The following RYR2 variants were observed in gnomAD, a reference collection of about 807,000 sequenced individuals.
RYR2 encodes the protein ryanodine receptor 2.
A neutral mutation model predicts 601.1 loss-of-function variants in RYR2; 227 were observed. The observed-to-expected ratio is 0.38, with a 90% CI of 0.34 to 0.42. The LOEUF (loss-of-function observed/expected upper bound fraction) is 0.42, where lower values mean the gene tolerates loss of function less well. RYR2 is among the 10% of genes least tolerant of loss of function. The pLI is 1.00. For missense variants in RYR2, 4,646 were observed against 6,156.5 expected, an observed-to-expected ratio of 0.75 and a Z score of 8.21; for synonymous variants, 2,223 against 2,175.1, an observed-to-expected ratio of 1.02 and a Z score of -0.61.
intron 29 of RYR2, among the ~76,000 whole-genome samples, chr1:237,571,670 G>A (rs2805400): frequency 0.61 from 92,937 of 152,034 alleles, 30,121 homozygotes; most frequent in Non-Finnish European, 0.71. Context: ...TAGCCAGTTT[G>A]TTGCTTGTAT....
chr1:237,538,783 TA>T (rs5781965), intron 25 of RYR2, among the ~76,000 whole-genome samples: 106,028 of 151,226 alleles, frequency 0.7, 37,514 homozygotes, highest in Non-Finnish European at 0.76. Context: ...TAAAAAAAAT[TA>T]AAAAAAAATA....
chr1:237,579,255 T>C (rs1419390890), intron 29 of RYR2, among the ~76,000 whole-genome samples: 119 of 139,798 alleles, frequency 8.5e-4, no homozygotes, highest in East Asian at 2.1e-3. Context: ...CTTCTTTTTT[T>C]TTTTTTTTTT....
chr1:237,457,486 G>C (rs1441675221), intron 16 of RYR2, among the ~76,000 whole-genome samples: 1 of 152,138 alleles, frequency 6.6e-6, no homozygotes. Flanking sequence ...GGTAAAGAGG[G>C]ACAGTTTAGT....
chr1:237,259,546 A>AAGAG (rs55758034), intron 1 of RYR2, among the ~76,000 whole-genome samples: 52,955 of 143,474 alleles, frequency 0.37, 10,823 homozygotes, highest in East Asian at 0.73. Context: ...AAAAAAAAAA[A>AAGAG]AGAGAGACTA....
At chr1:237,283,948 ATCC>A (rs1691165513) in intron 2 of RYR2, among the ~76,000 whole-genome samples, 1 of 152,090 alleles carries the variant, frequency 6.6e-6, no homozygotes, top group African/African-American at 2.4e-5. Flanking sequence ...TTTATCCCTC[ATCC>A]TCCTTCCACT....
intron 2 of RYR2, among the ~76,000 whole-genome samples, chr1:237,316,022 G>T (rs1695074809): frequency 6.6e-6 from 1 of 152,076 alleles, no homozygotes; most frequent in South Asian, 2.1e-4. Context: ...GAGATGAAGA[G>T]ATGGGGGCAG....
In RYR2 at chr1:237,783,883, C is replaced by T; in HGVS notation, c.12171C>T (p.His4057=). The stretch of plus-strand genomic sequence containing the variant: ...ACAAAGCGATGGAGAGCCATAAGCA[C>T]TACACGCAGTCAGAAACGGAATTTC... ...DFHKAMESHK[H]YTQSETEFLL... The change falls in exon 90 of 105, where the codon CAC becomes CAT. Residue 4057 remains histidine, a synonymous_variant. Coordinates refer to ENST00000366574, the MANE Select transcript of RYR2 (RefSeq NM_001035.3). 6.2e-7 allele frequency: 1 copy of T among 1,613,768 alleles called. No individual in the cohort carries two copies. Among genetic ancestry groups the T allele is most frequent in the Non-Finnish European group, 8.5e-7 (1 of 1,179,796 alleles).
chr1:237,197,605 G>C lies in RYR2; in HGVS notation c.49-72892G>C, dbSNP rs936085659. 4.6e-5 allele frequency among the ~76,000 whole-genome samples: 7 copies of C among 152,266 alleles called. No homozygotes were observed. In the South Asian group the frequency reaches 1.2e-3, roughly 27 times the overall value. ...TGCACTTACGTGGGTGTGATAATAG[G>C]AGCATATCATAGTTGATGAGATCCG... On this transcript the variant is annotated intron_variant, in intron 1 of 104. Coordinates refer to ENST00000366574, the MANE Select transcript of RYR2 (RefSeq NM_001035.3).
At chr1:237,432,238 C>G (rs758845407) in intron 12 of RYR2, among the ~76,000 whole-genome samples, 2 of 151,716 alleles carry the variant, frequency 1.3e-5, no homozygotes, top group African/African-American at 4.8e-5. Flanking sequence ...ACAGTTTAAT[C>G]TCGAGTGTAC....
At chr1:237,377,686 G>A (rs1212296688) in intron 8 of RYR2, among the ~76,000 whole-genome samples, 3 of 152,126 alleles carry the variant, frequency 2.0e-5, no homozygotes, top group African/African-American at 7.2e-5. Context: ...GATATTGATA[G>A]TACCTTTTAA....
intron 35 of RYR2, among the ~76,000 whole-genome samples, chr1:237,607,176 A>G (rs1228554881): frequency 1.3e-5 from 2 of 152,230 alleles, no homozygotes; most frequent in East Asian, 3.8e-4. Context: ...AACCAACCCA[A>G]ATGTCCATCA....
chr1:237,376,386 G>C (rs1701035860), intron 7 of RYR2, among the ~76,000 whole-genome samples: 1 of 152,128 alleles, frequency 6.6e-6, no homozygotes. Context: ...GCAGGAGCTG[G>C]AGAAACCTCA....
chr1:237,281,542 T>C (rs755636600), intron 2 of RYR2, among the ~76,000 whole-genome samples: 1 of 152,202 alleles, frequency 6.6e-6, no homozygotes, highest in Non-Finnish European at 1.5e-5. Flanking sequence ...GCAAAAAGAT[T>C]GGCAGATATT....
rs892548795 is a variant in RYR2, at chr1:237,369,043, C to T, written c.310-491C>T. 4.3e-4 allele frequency among the ~76,000 whole-genome samples: 65 copies of T among 151,994 alleles called. No individual in the cohort carries two copies. In the Middle Eastern group the frequency reaches 0.01, roughly 24 times the overall value. ...TTTGCCATGTTGGCCAGGTTGGTCT[C>T]GAACTCCTGACCTCAGGTAATCGCC... On this transcript the variant is annotated intron_variant, in intron 5 of 104. Transcript: ENST00000366574.
rs371880082 is a variant in RYR2, at chr1:237,503,509, C to T, written c.2613+4C>T. 5 of 1,612,776 alleles carry T rather than the reference C, an allele frequency of 3.1e-6. No homozygotes were observed. In the South Asian group the frequency reaches 4.4e-5, roughly 14 times the overall value. ...CATCCCTGTGGATACCAGCCAGGTA[C>T]CAAGATCCACTCGAATGGCAATCAC... On this transcript the variant is annotated splice_donor_region_variant and intron_variant, in intron 22 of 104. Transcript: ENST00000366574.
chr1:237,756,563 T>G (rs2149262791), intron 81 of RYR2, among the ~76,000 whole-genome samples, 176 bp downstream of exon 81: 1 of 152,290 alleles, frequency 6.6e-6, no homozygotes, highest in Non-Finnish European at 1.5e-5. Flanking sequence ...AGACCAATGT[T>G]AATTTTTTTT....
chr1:237,804,934 T>C (rs1660446268), intron 98 of RYR2, among the ~76,000 whole-genome samples: 1 of 152,190 alleles, frequency 6.6e-6, no homozygotes, highest in South Asian at 2.1e-4. Flanking sequence ...CAGTTTTGTC[T>C]GCTAATGATG....
chr1:237,624,690 C>G (rs1679455938), intron 39 of RYR2, among the ~76,000 whole-genome samples: 3 of 152,056 alleles, frequency 2.0e-5, no homozygotes, highest in African/African-American at 7.2e-5. Context: ...GGGAAGTCTC[C>G]CCTCCTTTTA....
At chr1:237,793,803 T>A in intron 94 of RYR2, 64 bp from the exon 95 acceptor site, 1 of 1,289,800 alleles carries the variant, frequency 7.8e-7, no homozygotes, top group Non-Finnish European at 1.1e-6. Flanking sequence ...TTTGTAAAGA[T>A]AGTGACCACA....
Sources: allele counts gnomAD v4.1 joint callset (sites outside exome capture counted in the v4.1 genomes callset), GRCh38; gene constraint gnomAD v4.1.1; transcripts MANE v1.5; gene names NCBI Gene and HGNC (gene_info 2026-07-23, HGNC 2026-07-21).